Variants in TENM3 observed in about 807,000 individuals in gnomAD.
The protein encoded by TENM3 is teneurin-3.
A neutral mutation model predicts 255.1 loss-of-function variants in TENM3; 63 were observed. The ratio of observed to expected loss-of-function variants is 0.25; its 90% CI spans 0.20 to 0.30. TENM3 has a LOEUF of 0.30. Among genes scored for constraint, TENM3 ranks in the 10% least tolerant of loss-of-function variants. The pLI, the probability that TENM3 is intolerant of heterozygous loss-of-function variation, is 1.00. For synonymous variants in TENM3, 1,306 were observed against 1,322.3 expected, an observed-to-expected ratio of 0.99 and a Z score of 0.27; for missense variants, 2,929 against 3,461.1, an observed-to-expected ratio of 0.85 and a Z score of 3.86.
the TENM3 span, among the ~76,000 whole-genome samples, chr4:181,553,284 TGTGTGTGTGTGTGTA>T: frequency 2.5e-5 from 3 of 118,866 alleles, no homozygotes; most frequent in African/African-American, 9.9e-5. Context: ...TGTGTGTGTG[TGTGTGTGTGTGTGTA>T]GTGTGTGTGT....
At chr4:182,635,129 T>A (rs1480479643) in intron 5 of TENM3, among the ~76,000 whole-genome samples, 1 of 152,248 alleles carries the variant, frequency 6.6e-6, no homozygotes, top group African/African-American at 2.4e-5. Flanking sequence ...TATTTGTACA[T>A]GAACTTTTTA....
chr4:181,568,680 G>A, the TENM3 span, among the ~76,000 whole-genome samples: 31 of 152,222 alleles, frequency 2.0e-4, no homozygotes, highest in African/African-American at 5.3e-4. Flanking sequence ...TAGAGTCCTC[G>A]CAGAAAATCT....
intron 1 of TENM3, among the ~76,000 whole-genome samples, chr4:182,166,140 G>A (rs1751702534): frequency 6.6e-6 from 1 of 152,200 alleles, no homozygotes; most frequent in Non-Finnish European, 1.5e-5. Flanking sequence ...CCGTTGTCCC[G>A]TTGGTAAAGA....
At chr4:182,072,276 A>G in the TENM3 span, among the ~76,000 whole-genome samples, 3 of 152,218 alleles carry the variant, frequency 2.0e-5, no homozygotes, top group Non-Finnish European at 2.9e-5. Context: ...GACATTGTTC[A>G]TGAAATCAAG....
At chr4:181,607,747 C>T in the TENM3 span, among the ~76,000 whole-genome samples, 1 of 152,188 alleles carries the variant, frequency 6.6e-6, no homozygotes, top group East Asian at 1.9e-4. Context: ...GGCTACCACA[C>T]TGGCCAGCGC....
the TENM3 span, among the ~76,000 whole-genome samples, chr4:181,509,285 A>G: frequency 1.5e-3 from 222 of 152,252 alleles, no homozygotes; most frequent in Non-Finnish European, 2.3e-3. Flanking sequence ...AGAGACAATT[A>G]CTGGGGTGGC....
chr4:182,389,454 G>A (rs570669031), intron 3 of TENM3, among the ~76,000 whole-genome samples: 2 of 150,448 alleles, frequency 1.3e-5, no homozygotes, highest in Non-Finnish European at 3.0e-5. Flanking sequence ...AAGTAATTCC[G>A]AAACCATTTT....
At chr4:182,054,265 G>T in the TENM3 span, among the ~76,000 whole-genome samples, 134,623 of 152,146 alleles carry the variant, frequency 0.88, 59,598 homozygotes, top group Admixed American at 0.91. Flanking sequence ...CCATCTGATT[G>T]ATTCACTGTC....
At chr4:182,230,836 ATATATAT>A (rs1756520469) in intron 1 of TENM3, among the ~76,000 whole-genome samples, 2 of 112,966 alleles carry the variant, frequency 1.8e-5, no homozygotes, top group Non-Finnish European at 4.0e-5. Flanking sequence ...ATATATATAT[ATATATAT>A]ATATATATAT....
chr4:181,578,514 A>G, the TENM3 span, among the ~76,000 whole-genome samples: 545 of 152,306 alleles, frequency 3.6e-3, 4 homozygotes, highest in African/African-American at 0.013. Context: ...GCGGAGAGGC[A>G]CTGCTCAGCA....
the TENM3 span, among the ~76,000 whole-genome samples, chr4:181,963,259 C>T: frequency 6.6e-6 from 1 of 152,270 alleles, no homozygotes; most frequent in African/African-American, 2.4e-5. Context: ...GTCAGTAAGA[C>T]AAGTAATTTA....
chr4:181,507,220 A>G, the TENM3 span, among the ~76,000 whole-genome samples: 5 of 152,164 alleles, frequency 3.3e-5, no homozygotes, highest in African/African-American at 1.2e-4. Flanking sequence ...ATCCCACAGA[A>G]GTATTTATTT....
chr4:181,942,043 G>A, the TENM3 span, among the ~76,000 whole-genome samples: 3 of 152,236 alleles, frequency 2.0e-5, no homozygotes, highest in South Asian at 2.1e-4. Flanking sequence ...CAGCCCTTCC[G>A]GTGACCTGCT....
At chr4:182,002,898 A>G in the TENM3 span, among the ~76,000 whole-genome samples, 1 of 152,090 alleles carries the variant, frequency 6.6e-6, no homozygotes, top group Admixed American at 6.6e-5. Flanking sequence ...CACGGCCTTT[A>G]TACGAAAGCT....
the TENM3 span, among the ~76,000 whole-genome samples, chr4:182,060,038 T>C: frequency 6.6e-6 from 1 of 151,836 alleles, no homozygotes; most frequent in African/African-American, 2.4e-5. Context: ...AGCCCAGGAG[T>C]TTGAGACCTG....
chr4:182,602,274 T>A (rs1365806898), intron 4 of TENM3, among the ~76,000 whole-genome samples: 1 of 152,190 alleles, frequency 6.6e-6, no homozygotes, highest in Non-Finnish European at 1.5e-5. Flanking sequence ...AGAAAAAGAG[T>A]TATCACCATA....
At chr4:181,657,573 G>A in the TENM3 span, among the ~76,000 whole-genome samples, 1 of 152,152 alleles carries the variant, frequency 6.6e-6, no homozygotes, top group African/African-American at 2.4e-5. Context: ...ACTGCAGAAA[G>A]CACTTTGGAG....
the TENM3 span, among the ~76,000 whole-genome samples, chr4:181,626,319 A>G: frequency 6.6e-6 from 1 of 152,184 alleles, no homozygotes; most frequent in Non-Finnish European, 1.5e-5. Flanking sequence ...AGCTGAGGAC[A>G]GGAAGGTGGA....
At chr4:181,605,589 GAA>G in the TENM3 span, among the ~76,000 whole-genome samples, 3 of 35,738 alleles carry the variant, frequency 8.4e-5, 1 homozygote, top group Non-Finnish European at 1.8e-4. Context: ...AGAAAGGAAA[GAA>G]AGAAAGAAAG....
Sources: allele counts gnomAD v4.1 joint callset (sites outside exome capture counted in the v4.1 genomes callset), GRCh38; gene constraint gnomAD v4.1.1; transcripts MANE v1.5; gene names NCBI Gene and HGNC (gene_info 2026-07-23, HGNC 2026-07-21).